NCK1: variants seen among roughly 807,000 people sequenced by gnomAD.
NCK1 encodes SH2/SH3 adapter protein NCK1.
A neutral mutation model predicts 36.6 loss-of-function variants in NCK1; 19 were observed. That is an observed-to-expected ratio of 0.52 (90% CI 0.36 to 0.76). NCK1 has a LOEUF of 0.76. Ranked by LOEUF, NCK1 falls within the 30% of genes least tolerant of loss-of-function variation. The pLI is 0.00. For missense variants in NCK1, 358 were observed against 445.6 expected, an observed-to-expected ratio of 0.80 and a Z score of 1.77; for synonymous variants, 165 against 156.0, an observed-to-expected ratio of 1.06 and a Z score of -0.43.
chr3:136,895,451 C>CT (rs1939368362), intron 1 of NCK1, among the ~76,000 whole-genome samples: 1 of 151,654 alleles, frequency 6.6e-6, no homozygotes, highest in African/African-American at 2.4e-5. Context: ...GCCATACCAC[C>CT]TTTTTAAAAA....
intron 2 of NCK1, among the ~76,000 whole-genome samples, chr3:136,932,324 T>G (rs1940414259): frequency 6.6e-6 from 1 of 152,152 alleles, no homozygotes; most frequent in Non-Finnish European, 1.5e-5. Context: ...TTTTATTTAT[T>G]TTGCCAGGCA....
intron 1 of NCK1, among the ~76,000 whole-genome samples, chr3:136,870,219 G>A (rs1297846218): frequency 6.6e-6 from 1 of 151,640 alleles, no homozygotes; most frequent in Non-Finnish European, 1.5e-5. Context: ...GTGCATGCCT[G>A]TAATCCCAGC....
chr3:136,921,857 C>T (rs1487345543), intron 1 of NCK1, among the ~76,000 whole-genome samples: 1 of 152,228 alleles, frequency 6.6e-6, no homozygotes, highest in African/African-American at 2.4e-5. Flanking sequence ...GATCTCAGCT[C>T]ACTGCAGTCT....
chr3:136,943,532 A>T lies in NCK1; in HGVS notation c.227-2051A>T, dbSNP rs146526350. ...AAATTATAGAAAATGAAAGTGTATG[A>T]TTTCCTTGGAATAGAGAGGAAGGTC... On this transcript the variant is annotated intron_variant, in intron 2 of 3. Transcript: ENST00000481752. Among the ~76,000 whole-genome samples, 236 of 152,324 alleles carry T rather than the reference A, an allele frequency of 1.5e-3. No individual in the cohort carries two copies. In the South Asian group the frequency reaches 0.023, roughly 15 times the overall value.
intron 1 of NCK1, among the ~76,000 whole-genome samples, chr3:136,891,533 C>G (rs1023557577): frequency 1.3e-5 from 2 of 152,184 alleles, no homozygotes; most frequent in Admixed American, 6.5e-5. Flanking sequence ...CTCACTTTTA[C>G]TTCTTTTGGG....
intron 1 of NCK1, among the ~76,000 whole-genome samples, chr3:136,895,846 T>TATAC (rs1939378988): frequency 6.6e-6 from 1 of 152,254 alleles, no homozygotes; most frequent in Non-Finnish European, 1.5e-5. Context: ...ATTACAGGTA[T>TATAC]GAGCCACCAT....
chr3:136,866,020 T>C (rs1051298421), intron 1 of NCK1, among the ~76,000 whole-genome samples: 1 of 152,198 alleles, frequency 6.6e-6, no homozygotes, highest in South Asian at 2.1e-4. Context: ...TTTTTCTCTC[T>C]ACTTAGTATG....
chr3:136,940,835 G>A (rs1337942582), intron 2 of NCK1, among the ~76,000 whole-genome samples: 6 of 152,008 alleles, frequency 3.9e-5, no homozygotes, highest in African/African-American at 1.4e-4. Flanking sequence ...ATGAGACACC[G>A]CGCCGGGCCT....
chr3:136,878,007 A>C (rs1349279461), intron 1 of NCK1, among the ~76,000 whole-genome samples: 1 of 152,242 alleles, frequency 6.6e-6, no homozygotes, highest in Non-Finnish European at 1.5e-5. Flanking sequence ...TAGAACTGAT[A>C]CATGTTATAA....
intron 1 of NCK1, among the ~76,000 whole-genome samples, chr3:136,875,951 A>C (rs936693763): frequency 1.2e-4 from 19 of 152,140 alleles, no homozygotes; most frequent in Non-Finnish European, 1.8e-4. Context: ...ATAACAAACT[A>C]TCTCTCAGGC....
intron 1 of NCK1, among the ~76,000 whole-genome samples, chr3:136,877,269 A>G (rs773804607): frequency 6.5e-4 from 99 of 152,324 alleles, no homozygotes; most frequent in Non-Finnish European, 1.1e-3. Flanking sequence ...AATAAAAAAG[A>G]TCAAAATAAT....
chr3:136,899,619 T>C, intron 1 of NCK1: 1 of 669,322 alleles, frequency 1.5e-6, no homozygotes, highest in Non-Finnish European at 2.8e-6. Context: ...AGATGCTGCT[T>C]TTCTTTTCCC....
At chr3:136,864,374 C>T (rs1476270416) in intron 1 of NCK1, among the ~76,000 whole-genome samples, 1 of 151,842 alleles carries the variant, frequency 6.6e-6, no homozygotes, top group Non-Finnish European at 1.5e-5. Flanking sequence ...ACCTGTAATC[C>T]CAGCTACTCG....
At chr3:136,895,461 A>AG (rs1939368857) in intron 1 of NCK1, among the ~76,000 whole-genome samples, 1 of 152,138 alleles carries the variant, frequency 6.6e-6, no homozygotes. Flanking sequence ...CTTTTTAAAA[A>AG]AAAGGTTTGT....
chr3:136,940,983 C>T (rs1430609400), intron 2 of NCK1, among the ~76,000 whole-genome samples: 2 of 152,048 alleles, frequency 1.3e-5, no homozygotes, highest in Non-Finnish European at 2.9e-5. Flanking sequence ...ATAACAGTTG[C>T]ATCATGTTAT....
intron 1 of NCK1, chr3:136,889,411 GA>G (rs2108086681): frequency 6.5e-6 from 1 of 153,422 alleles, no homozygotes; most frequent in East Asian, 1.9e-4. Flanking sequence ...CTGGTTTCAG[GA>G]GTGAAGCTGT....
intron 1 of NCK1, among the ~76,000 whole-genome samples, chr3:136,895,723 C>A (rs1199105328): frequency 6.6e-6 from 1 of 152,026 alleles, no homozygotes. Flanking sequence ...TACCACCACA[C>A]CCCGCTAATT....
chr3:136,867,253 G>GTC (rs34349896), intron 1 of NCK1, among the ~76,000 whole-genome samples: 85,932 of 114,368 alleles, frequency 0.75, 34,021 homozygotes, highest in East Asian at 0.93. Flanking sequence ...CCGTCCGTCT[G>GTC]TCTCTCTCTC....
chr3:136,869,843 A>G (rs749341381), intron 1 of NCK1, among the ~76,000 whole-genome samples: 41 of 152,226 alleles, frequency 2.7e-4, no homozygotes, highest in Middle Eastern at 3.4e-3. Flanking sequence ...TGTTTAAATT[A>G]TCAGTTAAAA....
Sources: allele counts gnomAD v4.1 joint callset (sites outside exome capture counted in the v4.1 genomes callset), GRCh38; gene constraint gnomAD v4.1.1; transcripts MANE v1.5; gene names NCBI Gene and HGNC (gene_info 2026-07-23, HGNC 2026-07-21).